Variants in AKT3 observed in about 807,000 individuals in gnomAD.
AKT3 encodes AKT serine/threonine kinase 3, also known as RAC-gamma serine/threonine-protein kinase.
Under a neutral mutation model 65.3 loss-of-function variants are expected in AKT3, and 15 were observed. The ratio of observed to expected loss-of-function variants is 0.23; its 90% CI spans 0.15 to 0.35. AKT3 has a LOEUF of 0.35. Ranked by LOEUF, AKT3 falls within the 10% of genes least tolerant of loss-of-function variation. The pLI, the probability that AKT3 is intolerant of heterozygous loss-of-function variation, is 1.00. For missense variants in AKT3, 243 were observed against 576.5 expected (o/e 0.42, Z 5.92); for synonymous variants, 206 against 183.8 (o/e 1.12, Z -0.98).
At chr1:243,754,070 C>G (rs1432121682) in intron 2 of AKT3, among the ~76,000 whole-genome samples, 2 of 152,062 alleles carry the variant, frequency 1.3e-5, no homozygotes, top group Non-Finnish European at 2.9e-5. Context: ...TCCCAGTTTC[C>G]TTATTATAGA....
At chr1:243,688,877 T>C (rs920123690) in intron 3 of AKT3, among the ~76,000 whole-genome samples, 1 of 152,134 alleles carries the variant, frequency 6.6e-6, no homozygotes, top group Non-Finnish European at 1.5e-5. Context: ...ATATTGCCTA[T>C]ACCATTCACA....
intron 10 of AKT3, among the ~76,000 whole-genome samples, chr1:243,556,320 C>G (rs184172214): frequency 1.3e-3 from 199 of 151,894 alleles, no homozygotes; most frequent in African/African-American, 4.6e-3. Context: ...GAATGAGAAA[C>G]TATATATTTT....
chr1:243,737,460 A>G (rs1687908903), intron 2 of AKT3, among the ~76,000 whole-genome samples: 1 of 152,120 alleles, frequency 6.6e-6, no homozygotes, highest in Admixed American at 6.6e-5. Flanking sequence ...TCCCTACCAC[A>G]GCATTTATCA....
chr1:243,810,450 C>T (rs7523822), intron 2 of AKT3, among the ~76,000 whole-genome samples: 33,432 of 151,690 alleles, frequency 0.22, 3,971 homozygotes, highest in East Asian at 0.34. Context: ...TTCCTCGACA[C>T]ATACACTCCC....
intron 2 of AKT3, among the ~76,000 whole-genome samples, chr1:243,752,747 A>G (rs1161226753): frequency 6.6e-6 from 1 of 152,194 alleles, no homozygotes; most frequent in Non-Finnish European, 1.5e-5. Context: ...GAGAACAATT[A>G]TATAAATAGT....
chr1:243,599,587 T>C (rs1423506926), intron 8 of AKT3, among the ~76,000 whole-genome samples: 2 of 152,104 alleles, frequency 1.3e-5, no homozygotes. Context: ...AGATACATAT[T>C]CTAAACCCTA....
chr1:243,536,988 C>T (rs538342963), intron 12 of AKT3, among the ~76,000 whole-genome samples: 1 of 152,242 alleles, frequency 6.6e-6, no homozygotes, highest in Admixed American at 6.5e-5. Context: ...CAGTAGCTTA[C>T]AATCATTAAC....
chr1:243,753,969 CTG>C (rs1688969184), intron 2 of AKT3, among the ~76,000 whole-genome samples: 1 of 152,150 alleles, frequency 6.6e-6, no homozygotes, highest in Admixed American at 6.5e-5. Flanking sequence ...GAATTATTCT[CTG>C]TGTGTTTCAT....
At chr1:243,719,077 G>A (rs1046746423) in intron 2 of AKT3, among the ~76,000 whole-genome samples, 17 of 152,044 alleles carry the variant, frequency 1.1e-4, no homozygotes, top group Non-Finnish European at 2.2e-4. Context: ...AGATATATAA[G>A]GTATGCAGTT....
chr1:243,698,052 A>T lies in AKT3; in HGVS notation c.47-2336T>A, dbSNP rs1366179242. On this transcript the variant is annotated intron_variant, in intron 2 of 13. Coordinates refer to ENST00000673466, the MANE Select transcript of AKT3 (RefSeq NM_005465.7). Reference sequence around the variant, plus strand: ...CTAATATTAATAAGCACATGACTTAATAAGGCAATTTATAAAACTAGAATG... The same window carrying T: ...CTAATATTAATAAGCACATGACTTATTAAGGCAATTTATAAAACTAGAATG... Among the ~76,000 whole-genome samples, 6 of 152,246 alleles carry T rather than the reference A, an allele frequency of 3.9e-5. No individual in the cohort carries two copies. The East Asian group carries it at 9.6e-4, about 24-fold the overall frequency.
At chr1:243,508,698 C>G (rs9803713) in intron 13 of AKT3, among the ~76,000 whole-genome samples, 28,553 of 138,724 alleles carry the variant, frequency 0.21, 3,027 homozygotes, top group East Asian at 0.27. Flanking sequence ...CAGAGTCTTG[C>G]TCTGTCACCC....
chr1:243,715,744 AG>A (rs1435540414), intron 2 of AKT3, among the ~76,000 whole-genome samples: 6 of 152,158 alleles, frequency 3.9e-5, no homozygotes, highest in African/African-American at 1.4e-4. Flanking sequence ...ACAGGTTCAA[AG>A]GTGTTACCAA....
chr1:243,677,142 A>G (rs1047783623), intron 3 of AKT3, among the ~76,000 whole-genome samples: 24 of 152,162 alleles, frequency 1.6e-4, no homozygotes, highest in Non-Finnish European at 4.4e-5. Context: ...AAATTATCTG[A>G]TTATTATTAA....
At chr1:243,740,176 AC>A (rs1688066556) in intron 2 of AKT3, among the ~76,000 whole-genome samples, 1 of 152,156 alleles carries the variant, frequency 6.6e-6, no homozygotes, top group Non-Finnish European at 1.5e-5. Context: ...CAAAATTAGC[AC>A]CAAAACACTT....
chr1:243,658,779 C>T (rs1273688487), intron 4 of AKT3, among the ~76,000 whole-genome samples: 1 of 151,134 alleles, frequency 6.6e-6, no homozygotes, highest in Non-Finnish European at 1.5e-5. Context: ...GTGGCTCATG[C>T]CTGTAATTCC....
intron 1 of AKT3, among the ~76,000 whole-genome samples, chr1:243,849,411 C>A (rs1440682717): frequency 7.4e-6 from 1 of 135,628 alleles, no homozygotes; most frequent in African/African-American, 2.6e-5. Flanking sequence ...CCACCAGTGC[C>A]GTCTTTTCCT....
chr1:243,846,969 G>C (rs986609585), intron 1 of AKT3, among the ~76,000 whole-genome samples: 1 of 152,144 alleles, frequency 6.6e-6, no homozygotes, highest in African/African-American at 2.4e-5. Context: ...TGCTTACCAG[G>C]CATTGGTTAG....
At chr1:243,814,906 A>T (rs1693410831) in intron 2 of AKT3, among the ~76,000 whole-genome samples, 1 of 152,244 alleles carries the variant, frequency 6.6e-6, no homozygotes, top group South Asian at 2.1e-4. Flanking sequence ...ACTGACCCAT[A>T]GCAATTCTGA....
At chr1:243,733,274 A>C (rs1687661336) in intron 2 of AKT3, among the ~76,000 whole-genome samples, 1 of 152,262 alleles carries the variant, frequency 6.6e-6, no homozygotes, top group South Asian at 2.1e-4. Flanking sequence ...ATGAGACAAA[A>C]GATAGCTCTC....
Sources: gnomAD v4.1 joint callset for allele counts (sites outside exome capture counted in the v4.1 genomes callset) on GRCh38, gnomAD v4.1.1 for gene constraint, MANE v1.5 for transcripts, NCBI Gene and HGNC (gene_info 2026-07-23, HGNC 2026-07-21) for gene names.